GPATCH11: variants seen among roughly 807,000 people sequenced by gnomAD.
GPATCH11 encodes G patch domain-containing protein 11.
A neutral mutation model predicts 44.8 loss-of-function variants in GPATCH11; 32 were observed. The observed-to-expected ratio is 0.71, with a 90% CI of 0.54 to 0.96. GPATCH11 has a LOEUF of 0.96. GPATCH11 is among the 40% of genes least tolerant of loss of function. The pLI is 0.00. For synonymous variants in GPATCH11, 84 were observed against 94.4 expected (o/e 0.89, Z 0.64); for missense variants, 324 against 303.1 (o/e 1.07, Z -0.51).
At chr2:37,086,682 C>A (rs1673067314) in intron 1 of GPATCH11, among the ~76,000 whole-genome samples, 1 of 152,022 alleles carries the variant, frequency 6.6e-6, no homozygotes, top group Admixed American at 6.6e-5. Flanking sequence ...GCCTGTAATC[C>A]CAGCTACTCG....
At chr2:37,092,411 T>C (rs964475463) in intron 6 of GPATCH11, among the ~76,000 whole-genome samples, 156 bp downstream of exon 6, 6 of 146,276 alleles carry the variant, frequency 4.1e-5, no homozygotes, top group African/African-American at 1.5e-4. Context: ...TTTATATGTA[T>C]CATATATATT....
chr2:37,085,023 C>A (rs1360098083), intron 1 of GPATCH11, among the ~76,000 whole-genome samples: 1 of 152,168 alleles, frequency 6.6e-6, no homozygotes, highest in African/African-American at 2.4e-5. Flanking sequence ...TCAAGTGTAC[C>A]CCAAATGCGA....
In GPATCH11 at chr2:37,096,716, T is replaced by TG. The variant is rs1673603871; in HGVS notation, c.*457dup. 6.1e-6 allele frequency: 1 copy of TG among 162,684 alleles called. No individual in the cohort carries two copies. The highest frequency in any genetic ancestry group is 2.4e-5 in the African/African-American group (1 of 41,512). 10.1% of individuals were successfully genotyped at this position (162,684 alleles called of 1,614,324 possible). A position where few individuals can be genotyped will look rare whatever the true frequency, so the allele number is the denominator to read the frequency against. On this transcript the variant is annotated 3_prime_UTR_variant, in exon 9 of 9. Coordinates refer to ENST00000674370, the MANE Select transcript of GPATCH11 (RefSeq NM_174931.4). Reference sequence around the variant, plus strand: ...AGAGAACAGCGGGTCTCTGCCTTGTTGGGGCAGAGCCCATCTTTGCATTCT... The same window carrying TG: ...AGAGAACAGCGGGTCTCTGCCTTGTTGGGGGCAGAGCCCATCTTTGCATTCT...
rs895722055 is a variant in GPATCH11 at position 37,090,623 on chromosome 2, T to C, written c.287-58T>C. 7.5e-5 allele frequency: 68 copies of C among 912,170 alleles called. No homozygotes were observed. The Middle Eastern group carries it at 8.5e-4, about 11-fold the overall frequency. The allele number at this position is 912,170 out of a possible 1,614,324, so 56.5% of individuals were successfully genotyped here. A position where few individuals can be genotyped will look rare whatever the true frequency, so the allele number is the denominator to read the frequency against. Reference sequence around the variant, plus strand: ...AGAGCATTGTAAAGTTGCATACTTATACTGTTCTGTAGTTTGAGGAAAATT... The same window carrying C: ...AGAGCATTGTAAAGTTGCATACTTACACTGTTCTGTAGTTTGAGGAAAATT... On this transcript the variant is annotated intron_variant, in intron 3 of 8. Transcript: ENST00000674370.
chr2:37,091,482 C>A (rs1673317464), intron 4 of GPATCH11, among the ~76,000 whole-genome samples: 1 of 152,058 alleles, frequency 6.6e-6, no homozygotes, highest in African/African-American at 2.4e-5. Flanking sequence ...ATTCCTGGAG[C>A]CCACAAGTTC....
chr2:37,089,892 G>T (rs749108225), intron 3 of GPATCH11, 26 bp downstream of exon 3: 195 of 1,466,366 alleles, frequency 1.3e-4, no homozygotes, highest in Non-Finnish European at 1.8e-4. Flanking sequence ...AAATAAACAG[G>T]TATTCCTTAC....
rs1673331303 is a variant in GPATCH11 at position 37,091,791 on chromosome 2, T to G, written c.329-125T>G. On this transcript the variant is annotated intron_variant, in intron 4 of 8. Transcript: ENST00000674370. Reference sequence around the variant, plus strand: ...ACCCTAGTGTTTTCTACTATTAGTGTACTCAAATGATTTGTGAGTGATAGT... The same window carrying G: ...ACCCTAGTGTTTTCTACTATTAGTGGACTCAAATGATTTGTGAGTGATAGT... 3 of 762,682 alleles carry G rather than the reference T, an allele frequency of 3.9e-6. No homozygotes were observed. In the South Asian group the frequency reaches 7.7e-5, roughly 20 times the overall value. The allele number at this position is 762,682 out of a possible 1,614,324, so 47.2% of individuals were successfully genotyped here.
intron 3 of GPATCH11, 42 bp from the exon 4 acceptor site, chr2:37,090,639 G>C (rs1209192417): frequency 8.4e-7 from 1 of 1,185,302 alleles, no homozygotes; most frequent in Non-Finnish European, 1.2e-6. Context: ...TCTGTAGTTT[G>C]AGGAAAATTT....
In GPATCH11 at chr2:37,094,297, G is replaced by A. The variant is rs539578997; in HGVS notation, c.654+102G>A. On this transcript the variant is annotated intron_variant, in intron 7 of 8. Transcript: ENST00000674370. ...GTTGTGGAGAGCTGTCCTGTGCATT[G>A]CAAGATGTTTAGCAGCATCTCTGGC... The A allele has an allele frequency of 6.7e-4, 482 of 723,668 alleles. 3 individuals carry two copies. The highest frequency in any genetic ancestry group is 4.9e-3 in the South Asian group (302 of 61,896). 44.8% of individuals were successfully genotyped at this position (723,668 alleles called of 1,614,324 possible).
At chr2:37,084,640 T>C in intron 1 of GPATCH11, 70 bp downstream of exon 1, 1 of 1,169,696 alleles carries the variant, frequency 8.5e-7, no homozygotes, top group Non-Finnish European at 1.1e-6. Flanking sequence ...GCGCTGGCCA[T>C]GACTACCGTA....
At chr2:37,089,609 C>A in intron 2 of GPATCH11, 31 bp from the exon 3 acceptor site, 4 of 1,317,722 alleles carry the variant, frequency 3.0e-6, no homozygotes, top group Non-Finnish European at 4.2e-6. Context: ...ACTTTATGGA[C>A]TCATCTAAAA....
At chr2:37,094,224 G>A in intron 7 of GPATCH11, 29 bp downstream of exon 7, 1 of 1,376,940 alleles carries the variant, frequency 7.3e-7, no homozygotes, top group Non-Finnish European at 1.0e-6. Flanking sequence ...CCTTCATAGG[G>A]TGTCTCAGCC....
intron 1 of GPATCH11, among the ~76,000 whole-genome samples, chr2:37,085,970 G>A (rs764926800): frequency 6.6e-6 from 1 of 152,070 alleles, no homozygotes; most frequent in Non-Finnish European, 1.5e-5. Flanking sequence ...AGTTCCAATC[G>A]TGTGACCTTC....
intron 2 of GPATCH11, among the ~76,000 whole-genome samples, chr2:37,088,768 G>T (rs531009438): frequency 6.6e-6 from 1 of 152,068 alleles, no homozygotes; most frequent in East Asian, 1.9e-4. Context: ...GCGATCCTCC[G>T]GCTTTGGCCT....
intron 6 of GPATCH11, among the ~76,000 whole-genome samples, chr2:37,093,510 G>T (rs1673430793): frequency 6.6e-6 from 1 of 152,110 alleles, no homozygotes; most frequent in Non-Finnish European, 1.5e-5. Context: ...TACTTTGAAT[G>T]TATTTCATGG....
chr2:37,096,124 A>G, intron 8 of GPATCH11, 84 bp from the exon 9 acceptor site: 1 of 851,494 alleles, frequency 1.2e-6, no homozygotes, highest in Non-Finnish European at 1.8e-6. Flanking sequence ...ACATCAGATC[A>G]AAAAATGCAT....
intron 7 of GPATCH11, among the ~76,000 whole-genome samples, chr2:37,094,712 C>T (rs545610461): frequency 1.3e-5 from 2 of 152,248 alleles, no homozygotes; most frequent in South Asian, 2.1e-4. Context: ...GAGACCAAAA[C>T]TGGTGGATCA....
At chr2:37,089,902 C>A in intron 3 of GPATCH11, 36 bp downstream of exon 3, 1 of 1,394,980 alleles carries the variant, frequency 7.2e-7, no homozygotes, top group Admixed American at 2.0e-5. Context: ...GTATTCCTTA[C>A]CACCTAATTG....
rs766638055 is a variant in GPATCH11, at chr2:37,096,160, T to C, written c.737-48T>C. ...GTTATGTTGAAATAATTTTCTAGTT[T>C]ACTGTAGAAGTTGTATTAATCTTTC... On this transcript the variant is annotated intron_variant, in intron 8 of 8. Transcript: ENST00000674370. 3 of 1,103,302 alleles carry C rather than the reference T, an allele frequency of 2.7e-6. No individual in the cohort carries two copies. In the South Asian group the frequency reaches 4.4e-5, roughly 16 times the overall value. The allele number at this position is 1,103,302 out of a possible 1,614,324, so 68.3% of individuals were successfully genotyped here.
Sources: allele counts gnomAD v4.1 joint callset (sites outside exome capture counted in the v4.1 genomes callset), GRCh38; gene constraint gnomAD v4.1.1; transcripts MANE v1.5; gene names NCBI Gene and HGNC (gene_info 2026-07-23, HGNC 2026-07-21).